CADM2: variants seen among roughly 807,000 people sequenced by gnomAD.
The protein encoded by CADM2 is cell adhesion molecule 2.
A neutral mutation model predicts 49.8 loss-of-function variants in CADM2; 12 were observed. That is an observed-to-expected ratio of 0.24 (90% CI 0.15 to 0.39). The LOEUF (loss-of-function observed/expected upper bound fraction) is 0.39. Among genes scored for constraint, CADM2 ranks in the 10% least tolerant of loss-of-function variants. The probability of loss-of-function intolerance (pLI) is 1.00; values close to 1 mark genes in which losing one functional copy is unlikely to be tolerated. For missense variants in CADM2, 378 were observed against 492.3 expected (o/e 0.77, Z 2.20); for synonymous variants, 214 against 175.4 (o/e 1.22, Z -1.74).
intron 2 of CADM2, among the ~76,000 whole-genome samples, chr3:85,732,605 T>C (rs1205869906): frequency 6.6e-6 from 1 of 152,196 alleles, no homozygotes; most frequent in South Asian, 2.1e-4. Context: ...TATTAAGATA[T>C]ATTACTGCAG....
chr3:85,212,942 G>T (rs7646627), intron 1 of CADM2, among the ~76,000 whole-genome samples: 1 of 148,284 alleles, frequency 6.7e-6, no homozygotes, highest in African/African-American at 2.5e-5. Context: ...GTGCAATGGC[G>T]CAATCTCCGC....
chr3:85,856,236 C>G (rs146061193), intron 3 of CADM2, among the ~76,000 whole-genome samples: 139 of 152,284 alleles, frequency 9.1e-4, no homozygotes, highest in African/African-American at 3.2e-3. Flanking sequence ...TATTAGTTTA[C>G]TACTGCATAA....
intron 1 of CADM2, among the ~76,000 whole-genome samples, chr3:85,284,928 A>G (rs1002433257): frequency 6.6e-6 from 1 of 152,054 alleles, no homozygotes; most frequent in Admixed American, 6.6e-5. Context: ...GAGACAACGA[A>G]AAAAAGCAAG....
chr3:85,531,149 A>C (rs1196998514), intron 1 of CADM2, among the ~76,000 whole-genome samples: 1 of 152,174 alleles, frequency 6.6e-6, no homozygotes, highest in Admixed American at 6.5e-5. Flanking sequence ...TAAATGCCTT[A>C]TAAGAGCAGC....
chr3:85,230,325 G>T (rs2107810821), intron 1 of CADM2, among the ~76,000 whole-genome samples: 1 of 152,276 alleles, frequency 6.6e-6, no homozygotes, highest in Non-Finnish European at 1.5e-5. Flanking sequence ...GTATTATATA[G>T]CTAAGCCTAA....
At chr3:85,930,727 G>A (rs147782102) in intron 6 of CADM2, among the ~76,000 whole-genome samples, 7 of 151,764 alleles carry the variant, frequency 4.6e-5, no homozygotes, top group Non-Finnish European at 7.4e-5. Flanking sequence ...TCTGTGCCTC[G>A]CTTATTTCAC....
intron 8 of CADM2, among the ~76,000 whole-genome samples, chr3:86,023,122 A>G (rs1234185467): frequency 6.6e-6 from 1 of 152,138 alleles, no homozygotes; most frequent in African/African-American, 2.4e-5. Flanking sequence ...ATAAAAAGGG[A>G]GGAAAAAGCA....
intron 1 of CADM2, among the ~76,000 whole-genome samples, chr3:85,175,821 G>A (rs1334950961): frequency 1.3e-5 from 2 of 151,414 alleles, no homozygotes; most frequent in African/African-American, 4.9e-5. Flanking sequence ...ACAAGAAGCG[G>A]AGTAACAAGA....
chr3:85,912,624 G>A (rs1717768042), intron 6 of CADM2, 81 bp downstream of exon 6: 1 of 1,386,752 alleles, frequency 7.2e-7, no homozygotes, highest in African/African-American at 1.4e-5. Flanking sequence ...AAAACTACCT[G>A]AAGTTATAGC....
chr3:85,386,627 T>C (rs567695580), intron 1 of CADM2, among the ~76,000 whole-genome samples: 1 of 152,188 alleles, frequency 6.6e-6, no homozygotes, highest in Admixed American at 6.5e-5. Flanking sequence ...TTAAACCTTG[T>C]TGTGGGTTAG....
intron 1 of CADM2, among the ~76,000 whole-genome samples, chr3:85,164,560 C>T (rs2040418764): frequency 6.6e-6 from 1 of 152,008 alleles, no homozygotes; most frequent in Non-Finnish European, 1.5e-5. Context: ...TATTTAAAGG[C>T]AATGTTTCCT....
rs1192961285 is a variant in CADM2, at chr3:85,863,616, C to T, written c.239-19675C>T. ...ACAAGGCCTTCAGCAGACACTAGCA[C>T]TTTGATGTTAGACTTCTCAGTATCC... is the stretch of plus-strand genomic sequence containing the variant. On this transcript the variant is annotated intron_variant, in intron 3 of 9. Transcript: ENST00000383699. 2.0e-5 allele frequency among the ~76,000 whole-genome samples: 3 copies of T among 152,146 alleles called. No individual in the cohort carries two copies. The East Asian group carries it at 5.8e-4, about 29-fold the overall frequency.
At chr3:85,753,325 G>T (rs2068950808) in intron 2 of CADM2, among the ~76,000 whole-genome samples, 1 of 152,076 alleles carries the variant, frequency 6.6e-6, no homozygotes, top group South Asian at 2.1e-4. Flanking sequence ...AAAGAGGAAG[G>T]GGAAAGAAAG....
intron 1 of CADM2, among the ~76,000 whole-genome samples, chr3:84,976,281 G>T (rs1385139430): frequency 6.6e-6 from 1 of 151,376 alleles, no homozygotes; most frequent in Admixed American, 6.6e-5. Context: ...TGACATTTTG[G>T]TAGAGATACC....
chr3:85,541,295 TAC>T (rs1349525505), intron 1 of CADM2, among the ~76,000 whole-genome samples: 1 of 151,452 alleles, frequency 6.6e-6, no homozygotes, highest in African/African-American at 2.4e-5. Context: ...CACACATGCA[TAC>T]ACACACGTCT....
At chr3:86,013,333 A>T in intron 8 of CADM2, 2 of 1,544,186 alleles carry the variant, frequency 1.3e-6, no homozygotes, top group African/African-American at 2.7e-5. Flanking sequence ...AACAAAGAAT[A>T]CCTAAAATCT....
chr3:85,487,592 A>AAGGAGGAAGTGGAGGAGGAGG (rs1323172966), intron 1 of CADM2, among the ~76,000 whole-genome samples: 3 of 127,122 alleles, frequency 2.4e-5, no homozygotes, highest in East Asian at 2.5e-4. Context: ...GGAGGAGGAG[A>AAGGAGGAAGTGGAGGAGGAGG]AGGAGGAAGT....
At chr3:85,646,265 AT>A (rs1300100960) in intron 1 of CADM2, among the ~76,000 whole-genome samples, 3 of 152,004 alleles carry the variant, frequency 2.0e-5, no homozygotes, top group African/African-American at 7.2e-5. Flanking sequence ...AGACATGTCA[AT>A]CTAGTTAAAT....
At chr3:85,349,472 A>G (rs1019316802) in intron 1 of CADM2, among the ~76,000 whole-genome samples, 1 of 151,928 alleles carries the variant, frequency 6.6e-6, no homozygotes, top group Non-Finnish European at 1.5e-5. Context: ...GTTTTGTTTT[A>G]CTTTTGATCC....
Sources: gnomAD v4.1 joint callset for allele counts (sites outside exome capture counted in the v4.1 genomes callset) on GRCh38, gnomAD v4.1.1 for gene constraint, MANE v1.5 for transcripts, NCBI Gene and HGNC (gene_info 2026-07-23, HGNC 2026-07-21) for gene names.